UGGT2: variants seen among roughly 807,000 people sequenced by gnomAD.
UGGT2 encodes the protein UDP-glucose glycoprotein glucosyltransferase 2.
Under a neutral mutation model 192.1 loss-of-function variants are expected in UGGT2, and 180 were observed. That is an observed-to-expected ratio of 0.94 (90% CI 0.83 to 1.06). UGGT2 has a LOEUF of 1.06. UGGT2 is among the 50% of genes least tolerant of loss of function. The pLI is 0.00. For missense variants in UGGT2, 1,849 were observed against 1,795.7 expected, an observed-to-expected ratio of 1.03 and a Z score of -0.54; for synonymous variants, 580 against 591.0, an observed-to-expected ratio of 0.98 and a Z score of 0.27.
intron 1 of UGGT2, among the ~76,000 whole-genome samples, chr13:96,045,324 A>G (rs1182138913): frequency 1.3e-5 from 2 of 152,142 alleles, no homozygotes; most frequent in Admixed American, 1.3e-4. Flanking sequence ...TCGGCATACA[A>G]GGGACATACC....
intron 4 of UGGT2, among the ~76,000 whole-genome samples, chr13:96,021,995 A>G (rs2052528461): frequency 2.0e-5 from 3 of 152,186 alleles, no homozygotes; most frequent in Admixed American, 6.5e-5. Context: ...AAGCATCAAC[A>G]AATACAAGGA....
chr13:95,926,952 T>C, intron 19 of UGGT2, 76 bp downstream of exon 19: 4 of 1,337,000 alleles, frequency 3.0e-6, no homozygotes, highest in Non-Finnish European at 2.0e-6. Context: ...TATTAAAATT[T>C]ATTATACAAC....
At chr13:95,942,264 GTGTGTGTGT>G (rs2049716975) in intron 15 of UGGT2, among the ~76,000 whole-genome samples, 1 of 111,222 alleles carries the variant, frequency 9.0e-6, no homozygotes, top group Non-Finnish European at 2.0e-5. Context: ...GTGTGTGTGT[GTGTGTGTGT>G]TGTCTGTAGG....
intron 12 of UGGT2, among the ~76,000 whole-genome samples, chr13:95,962,652 C>CA (rs1453452274): frequency 1.3e-5 from 2 of 151,984 alleles, no homozygotes; most frequent in Non-Finnish European, 2.9e-5. Flanking sequence ...AAATTATTCC[C>CA]AAAAAAATGA....
intron 4 of UGGT2, among the ~76,000 whole-genome samples, chr13:96,019,711 G>A (rs1005755511): frequency 1.3e-5 from 2 of 152,200 alleles, no homozygotes; most frequent in Non-Finnish European, 2.9e-5. Context: ...TCTTCCAAGT[G>A]GCAGACCAGA....
At chr13:95,961,828 T>C (rs1211088881) in intron 12 of UGGT2, among the ~76,000 whole-genome samples, 2 of 152,174 alleles carry the variant, frequency 1.3e-5, no homozygotes, top group Admixed American at 1.3e-4. Context: ...GGATACACCA[T>C]ATGTTGGGAC....
chr13:95,957,460 G>A (rs193141887), intron 12 of UGGT2, among the ~76,000 whole-genome samples: 2 of 152,284 alleles, frequency 1.3e-5, no homozygotes, highest in East Asian at 3.9e-4. Context: ...TGACAAATTA[G>A]CAGTCTTATC....
intron 5 of UGGT2, among the ~76,000 whole-genome samples, chr13:96,003,228 A>T (rs1377273960): frequency 6.6e-6 from 1 of 152,140 alleles, no homozygotes; most frequent in African/African-American, 2.4e-5. Flanking sequence ...CAGTATTGGC[A>T]AGGTGTTTAC....
chr13:95,987,027 A>G (rs1411177332), intron 8 of UGGT2, among the ~76,000 whole-genome samples: 1 of 152,140 alleles, frequency 6.6e-6, no homozygotes, highest in Non-Finnish European at 1.5e-5. Flanking sequence ...AAGAGTCAGA[A>G]AAGATTTAAA....
intron 20 of UGGT2, among the ~76,000 whole-genome samples, chr13:95,910,141 C>T (rs2048440804): frequency 1.3e-5 from 2 of 152,164 alleles, no homozygotes; most frequent in South Asian, 4.1e-4. Flanking sequence ...AAAAACATGC[C>T]AAACTGTAAA....
At chr13:95,859,008 C>T (rs934522146) in intron 33 of UGGT2, among the ~76,000 whole-genome samples, 2 of 152,064 alleles carry the variant, frequency 1.3e-5, no homozygotes, top group Admixed American at 6.6e-5. Context: ...CTAAATTTCA[C>T]GGAATTTGAT....
At chr13:95,836,337 A>G (rs573196491) in intron 37 of UGGT2, among the ~76,000 whole-genome samples, 5 of 152,330 alleles carry the variant, frequency 3.3e-5, no homozygotes, top group African/African-American at 1.2e-4. Context: ...GGCGTAAGCC[A>G]CCGTGCCCAG....
chr13:95,990,055 A>G lies in UGGT2; in HGVS notation c.849T>C (p.Leu283=), dbSNP rs559383157. The G allele has an allele frequency of 6.2e-7, 1 of 1,601,306 alleles. No homozygotes were observed. Among genetic ancestry groups the G allele is most frequent in the Non-Finnish European group, 8.5e-7 (1 of 1,173,556 alleles). ...TTTGGAATGCTGTCAGATTATCTCT[A>G]AGATCTGAATATATTTCTCTGCATC... ...FGKLKEIYSD[L]RDNLTAFQKY... Residue 283 remains leucine, a synonymous_variant, in exon 8 of 39, where the codon CTT becomes CTC. Transcript: ENST00000376747.
intron 33 of UGGT2, among the ~76,000 whole-genome samples, chr13:95,857,891 T>C (rs955760213): frequency 1.3e-5 from 2 of 152,128 alleles, no homozygotes; most frequent in Non-Finnish European, 2.9e-5. Flanking sequence ...TCTCAGTTTA[T>C]TTGGGTTAAA....
chr13:96,026,288 T>TAAC (rs2052662223), intron 2 of UGGT2, among the ~76,000 whole-genome samples: 1 of 152,176 alleles, frequency 6.6e-6, no homozygotes, highest in Non-Finnish European at 1.5e-5. Context: ...CCAAGAGTTA[T>TAAC]TCATGAGGCA....
intron 38 of UGGT2, among the ~76,000 whole-genome samples, chr13:95,822,261 T>C (rs1885586327): frequency 6.6e-6 from 1 of 152,076 alleles, no homozygotes; most frequent in Non-Finnish European, 1.5e-5. Flanking sequence ...TTTTACCTCC[T>C]TGGTTAGGTA....
chr13:95,823,494 G>C (rs1382620579), intron 38 of UGGT2, among the ~76,000 whole-genome samples: 1 of 151,956 alleles, frequency 6.6e-6, no homozygotes. Context: ...TTGTTGGATT[G>C]ATCCTTTTAT....
chr13:95,832,061 AAAGTC>A (rs1886766433), intron 38 of UGGT2, among the ~76,000 whole-genome samples: 1 of 148,952 alleles, frequency 6.7e-6, no homozygotes, highest in South Asian at 2.1e-4. Flanking sequence ...TTTTTTTTTT[AAAGTC>A]AAGATGAAAC....
chr13:95,815,925 T>C (rs566360410), intron 38 of UGGT2, among the ~76,000 whole-genome samples: 2 of 152,240 alleles, frequency 1.3e-5, no homozygotes, highest in African/African-American at 4.8e-5. Flanking sequence ...GTGCTCTTCT[T>C]GTGATAGTGA....
Sources: allele counts gnomAD v4.1 joint callset (sites outside exome capture counted in the v4.1 genomes callset), GRCh38; gene constraint gnomAD v4.1.1; transcripts MANE v1.5; gene names NCBI Gene and HGNC (gene_info 2026-07-23, HGNC 2026-07-21).